The following NRG1 variants were observed in gnomAD, a reference collection of about 807,000 sequenced individuals.
NRG1 encodes the protein neuregulin 1.
A neutral mutation model predicts 63.8 loss-of-function variants in NRG1; 18 were observed. The ratio of observed to expected loss-of-function variants is 0.28; its 90% confidence interval spans 0.19 to 0.42. The LOEUF (loss-of-function observed/expected upper bound fraction) is 0.42, where lower values mean the gene tolerates loss of function less well. Ranked by LOEUF, NRG1 falls within the 10% of genes least tolerant of loss-of-function variation. The pLI, the probability that NRG1 is intolerant of heterozygous loss-of-function variation, is 1.00. For missense variants in NRG1, 762 were observed against 814.7 expected, an observed-to-expected ratio of 0.94 and a Z score of 0.79; for synonymous variants, 302 against 301.3, an observed-to-expected ratio of 1.00 and a Z score of -0.02.
intron 8 of NRG1, among the ~76,000 whole-genome samples, chr8:32,755,131 C>T (rs114845212): frequency 0.014 from 2,159 of 152,228 alleles, 45 homozygotes; most frequent in African/African-American, 0.049. Flanking sequence ...TGAAGCAAAA[C>T]TTTCTTTGAA....
intron 1 of NRG1, among the ~76,000 whole-genome samples, chr8:32,480,875 G>T (rs1283248048): frequency 6.6e-6 from 1 of 151,996 alleles, no homozygotes; most frequent in African/African-American, 2.4e-5. Context: ...ATTCACAAGG[G>T]ATCCACCCCC....
intron 1 of NRG1, among the ~76,000 whole-genome samples, chr8:32,388,523 G>C (rs1811308628): frequency 1.3e-5 from 2 of 152,164 alleles, no homozygotes; most frequent in African/African-American, 2.4e-5. Flanking sequence ...ACATTAAGAA[G>C]AAATAAGGTC....
intron 1 of NRG1, among the ~76,000 whole-genome samples, chr8:32,436,158 A>T (rs1818758755): frequency 6.6e-6 from 1 of 152,196 alleles, no homozygotes; most frequent in Non-Finnish European, 1.5e-5. Context: ...TGACAGGCAC[A>T]TCTTACATGG....
intron 1 of NRG1, among the ~76,000 whole-genome samples, chr8:31,884,402 C>G (rs796806967): frequency 9.2e-5 from 14 of 152,174 alleles, no homozygotes; most frequent in African/African-American, 3.4e-4. Context: ...CTCTGATCGC[C>G]AAAGCAGGCC....
At chr8:32,446,849 C>A (rs1820309317) in intron 1 of NRG1, among the ~76,000 whole-genome samples, 1 of 152,010 alleles carries the variant, frequency 6.6e-6, no homozygotes, top group Admixed American at 6.6e-5. Flanking sequence ...CAAAGCTTCT[C>A]CACACTCCTG....
intron 1 of NRG1, among the ~76,000 whole-genome samples, chr8:32,213,534 T>C (rs1369363987): frequency 6.6e-6 from 1 of 152,070 alleles, no homozygotes; most frequent in Non-Finnish European, 1.5e-5. Context: ...GATGGGTCGA[T>C]AGGTGCAGCA....
At chr8:32,145,302 G>T (rs1316096498) in intron 1 of NRG1, among the ~76,000 whole-genome samples, 1 of 152,084 alleles carries the variant, frequency 6.6e-6, no homozygotes, top group Non-Finnish European at 1.5e-5. Flanking sequence ...GTATTTAGGT[G>T]TAACTTTCTA....
chr8:31,945,729 A>T (rs753673269), intron 1 of NRG1, among the ~76,000 whole-genome samples: 1 of 152,026 alleles, frequency 6.6e-6, no homozygotes, highest in Non-Finnish European at 1.5e-5. Flanking sequence ...CTTCCTGTGC[A>T]TATCTGTGTT....
intron 1 of NRG1, among the ~76,000 whole-genome samples, chr8:31,952,175 T>A (rs1803574315): frequency 6.6e-6 from 1 of 152,196 alleles, no homozygotes; most frequent in Non-Finnish European, 1.5e-5. Flanking sequence ...TGGCATAGGC[T>A]TCAACTCTAA....
At chr8:32,373,709 T>C (rs543297225) in intron 1 of NRG1, among the ~76,000 whole-genome samples, 2 of 151,974 alleles carry the variant, frequency 1.3e-5, no homozygotes, top group East Asian at 1.9e-4. Context: ...TCCTGGGAGG[T>C]TGAGGTTGCA....
chr8:32,414,017 T>C (rs552596370), intron 1 of NRG1, among the ~76,000 whole-genome samples: 3 of 152,054 alleles, frequency 2.0e-5, no homozygotes, highest in Admixed American at 6.6e-5. Context: ...AAGAGGGAGT[T>C]ATTTATAAAT....
chr8:32,215,852 GC>G (rs1442477992), intron 1 of NRG1, among the ~76,000 whole-genome samples: 3 of 152,024 alleles, frequency 2.0e-5, no homozygotes, highest in Non-Finnish European at 4.4e-5. Context: ...GCCCCATCTG[GC>G]CAACATGGTG....
chr8:31,803,120 T>C (rs1227112538), intron 1 of NRG1, among the ~76,000 whole-genome samples: 1 of 152,196 alleles, frequency 6.6e-6, no homozygotes, highest in East Asian at 1.9e-4. Flanking sequence ...TCTCCTCTTA[T>C]TGAATTTAGT....
Position 32,601,647 on chromosome 8 carries a change from A to G in NRG1, c.279-3915A>G, listed in dbSNP as rs537374965. ...CTGCCAGTGGGACCTCTGTTTCTTTAACATAATCCTCTCTAGTGATAAGAT... is the reference window on the plus strand; with the variant it reads ...CTGCCAGTGGGACCTCTGTTTCTTTGACATAATCCTCTCTAGTGATAAGAT... On this transcript the variant is annotated intron_variant, in intron 2 of 11. Coordinates refer to ENST00000356819, the Ensembl canonical transcript of NRG1. Among the ~76,000 whole-genome samples, 3 of 152,190 alleles carry G rather than the reference A, an allele frequency of 2.0e-5. No homozygotes were observed. The South Asian group carries it at 6.2e-4, about 32-fold the overall frequency.
chr8:32,535,557 A>G (rs1294229387), intron 1 of NRG1, among the ~76,000 whole-genome samples: 1 of 152,174 alleles, frequency 6.6e-6, no homozygotes. Flanking sequence ...GGACCCATGG[A>G]CAAGGCTCAT....
At chr8:32,562,413 AT>A (rs942255244) in intron 1 of NRG1, among the ~76,000 whole-genome samples, 14 of 151,512 alleles carry the variant, frequency 9.2e-5, no homozygotes, top group African/African-American at 2.4e-4. Context: ...ATGCTCGGTT[AT>A]TTTTTTTTTA....
At chr8:32,374,769 T>A (rs1198361237) in intron 1 of NRG1, among the ~76,000 whole-genome samples, 1 of 152,154 alleles carries the variant, frequency 6.6e-6, no homozygotes, top group East Asian at 1.9e-4. Context: ...GGCATTGTTT[T>A]TTTATCATAA....
intron 1 of NRG1, among the ~76,000 whole-genome samples, chr8:32,356,484 C>G (rs919707269): frequency 2.0e-5 from 2 of 100,856 alleles, no homozygotes; most frequent in Non-Finnish European, 4.0e-5. Context: ...ACCCCCCCCC[C>G]ACCCGCCGGG....
rs1413733822 is a variant in NRG1, at chr8:32,428,604, G to T, written c.38-167224G>T. Among the ~76,000 whole-genome samples the T allele has an allele frequency of 2.0e-5, 3 of 152,294 alleles. No homozygotes were observed. In the East Asian group the frequency reaches 5.8e-4, roughly 29 times the overall value. ...ACCCTTGGCCAAAAGAACCAAGGCT[G>T]CTCAGTTAGCTGCTGGTTGTCCTCC... On this transcript the variant is annotated intron_variant, in intron 1 of 10. Transcript: ENST00000519301.
Sources: gnomAD v4.1 joint callset for allele counts (sites outside exome capture counted in the v4.1 genomes callset) on GRCh38, gnomAD v4.1.1 for gene constraint, MANE v1.5 for transcripts, NCBI Gene and HGNC (gene_info 2026-07-23, HGNC 2026-07-21) for gene names.